The following SGMS2 variants were observed in gnomAD, a reference collection of about 807,000 sequenced individuals.
SGMS2 encodes the protein phosphatidylcholine:ceramide cholinephosphotransferase 2.
A neutral mutation model predicts 43.8 loss-of-function variants in SGMS2; 21 were observed. That is an observed-to-expected ratio of 0.48 (90% CI 0.34 to 0.69). SGMS2 has a LOEUF of 0.69. Ranked by LOEUF, SGMS2 falls within the 30% of genes least tolerant of loss-of-function variation. The pLI is 0.01. For synonymous variants in SGMS2, 167 were observed against 160.6 expected, an observed-to-expected ratio of 1.04 and a Z score of -0.30; for missense variants, 384 against 443.2, an observed-to-expected ratio of 0.87 and a Z score of 1.20.
At chr4:107,878,460 G>A (rs1212034095) in intron 2 of SGMS2, among the ~76,000 whole-genome samples, 2 of 152,130 alleles carry the variant, frequency 1.3e-5, no homozygotes, top group African/African-American at 4.8e-5. Flanking sequence ...GAAATGTGAA[G>A]AATTATTTCA....
intron 2 of SGMS2, among the ~76,000 whole-genome samples, chr4:107,884,773 C>T (rs549071823): frequency 2.6e-5 from 4 of 152,308 alleles, no homozygotes; most frequent in East Asian, 1.9e-4. Flanking sequence ...GTTCATCTTA[C>T]ATATGTTGAT....
chr4:107,837,696 G>T (rs571533865), intron 1 of SGMS2, among the ~76,000 whole-genome samples: 1 of 152,254 alleles, frequency 6.6e-6, no homozygotes, highest in East Asian at 1.9e-4. Context: ...GTAGGAGGGG[G>T]TTAGAGCAGA....
intron 2 of SGMS2, among the ~76,000 whole-genome samples, chr4:107,884,694 C>T (rs1302511001): frequency 6.6e-6 from 1 of 152,168 alleles, no homozygotes; most frequent in Admixed American, 6.5e-5. Context: ...CCGTTTATCT[C>T]TTATCTACCT....
rs542167566 is a variant in SGMS2 at position 107,902,115 on chromosome 4, C to G, written c.574-1118C>G. Among the ~76,000 whole-genome samples, 5 of 149,424 alleles carry G rather than the reference C, an allele frequency of 3.3e-5. No individual in the cohort carries two copies. The South Asian group carries it at 8.4e-4, about 25-fold the overall frequency. On this transcript the variant is annotated intron_variant, in intron 4 of 6. Transcript: ENST00000690982. ...TTTTTTTTTAGTAGAGACAGGGTTT[C>G]TCCATATTGGTCAGATTGATCTTGA...
intron 1 of SGMS2, among the ~76,000 whole-genome samples, chr4:107,850,485 G>A (rs949684028): frequency 6.6e-6 from 1 of 152,144 alleles, no homozygotes; most frequent in African/African-American, 2.4e-5. Flanking sequence ...CTTTATGGAG[G>A]TAAGGGAAAA....
At chr4:107,908,927 T>C (rs566013364) in intron 6 of SGMS2, among the ~76,000 whole-genome samples, 196 bp downstream of exon 6, 5 of 152,270 alleles carry the variant, frequency 3.3e-5, no homozygotes, top group African/African-American at 9.6e-5. Context: ...AAAAATGCCA[T>C]AAAGTTATGG....
chr4:107,838,709 CT>C lies in SGMS2; in HGVS notation c.-327+13467del, dbSNP rs964254968. Among the ~76,000 whole-genome samples the C allele has an allele frequency of 7.6e-4, 110 of 145,518 alleles. 1 individual carries two copies. The highest frequency in any genetic ancestry group is 3.5e-3 in the South Asian group (16 of 4,570). Reference sequence around the variant, plus strand: ...CAGAGTGCCTTGAGCAGAGTTTATCCTTTTTTTTTTTAAGTATTTCCTAGCA... The same window carrying C: ...CAGAGTGCCTTGAGCAGAGTTTATCCTTTTTTTTTTAAGTATTTCCTAGCA... On this transcript the variant is annotated intron_variant, in intron 1 of 6. Coordinates refer to ENST00000690982, the MANE Select transcript of SGMS2 (RefSeq NM_001375905.1).
In SGMS2 at chr4:107,895,932, G is replaced by A. The variant is rs1478451767; in HGVS notation, c.379G>A (p.Ala127Thr). The A allele has an allele frequency of 6.2e-7, 1 of 1,613,898 alleles. No homozygotes were observed. The highest frequency in any genetic ancestry group is 1.1e-5 in the South Asian group (1 of 91,076). The change falls in exon 3 of 7, where the codon GCA becomes ACA. Residue 127 changes from alanine (A) to threonine (T), a missense_variant. By Grantham distance (58) the Ala-to-Thr change is moderately conservative. Transcript: ENST00000690982. ...TGATTACATTGATAGGGTGAAATGG[G>A]CATTTTCTGTATCAGAAATAAATGG... ...FFDYIDRVKWAFSVSEINGII... is the reference protein window; with the variant it reads ...FFDYIDRVKWTFSVSEINGII...
chr4:107,825,620 CTTT>C (rs201101875), intron 1 of SGMS2, among the ~76,000 whole-genome samples: 162 of 116,262 alleles, frequency 1.4e-3, no homozygotes, highest in African/African-American at 5.7e-3. Flanking sequence ...TTTTCTTTCT[CTTT>C]TTTTTTTTTT....
At chr4:107,883,729 A>G (rs935310149) in intron 2 of SGMS2, among the ~76,000 whole-genome samples, 1 of 152,216 alleles carries the variant, frequency 6.6e-6, no homozygotes, top group Non-Finnish European at 1.5e-5. Flanking sequence ...AACTGTTGAA[A>G]ATATGCTTGT....
chr4:107,845,611 C>T, intron 1 of SGMS2, among the ~76,000 whole-genome samples: 1 of 152,188 alleles, frequency 6.6e-6, no homozygotes, highest in Non-Finnish European at 1.5e-5. Context: ...CAAGCAGCTA[C>T]TAAACCCTTT....
chr4:107,868,770 C>T (rs1463526295), intron 2 of SGMS2, among the ~76,000 whole-genome samples: 2 of 151,940 alleles, frequency 1.3e-5, no homozygotes, highest in African/African-American at 4.8e-5. Context: ...TTTTTCTGCT[C>T]CTGTAATCAT....
chr4:107,877,846 A>G (rs981328029), intron 2 of SGMS2, among the ~76,000 whole-genome samples: 5 of 151,978 alleles, frequency 3.3e-5, no homozygotes, highest in African/African-American at 9.7e-5. Flanking sequence ...TTCACTAGCA[A>G]TAAGTCCAAA....
At chr4:107,870,093 C>G (rs1257002520) in intron 2 of SGMS2, among the ~76,000 whole-genome samples, 1 of 152,156 alleles carries the variant, frequency 6.6e-6, no homozygotes, top group East Asian at 1.9e-4. Context: ...ACGTTGTACT[C>G]TAGTTGTAAA....
chr4:107,856,099 C>T (rs1727411920), intron 1 of SGMS2, among the ~76,000 whole-genome samples: 1 of 152,208 alleles, frequency 6.6e-6, no homozygotes, highest in South Asian at 2.1e-4. Flanking sequence ...TCTTCCACTA[C>T]ACCTTGTGAT....
intron 1 of SGMS2, among the ~76,000 whole-genome samples, chr4:107,829,380 G>A (rs1725765555): frequency 6.6e-6 from 1 of 151,930 alleles, no homozygotes; most frequent in African/African-American, 2.4e-5. Flanking sequence ...TTATCTTTAA[G>A]GTTTTGATAA....
At chr4:107,860,454 A>G (rs1323762739) in intron 2 of SGMS2, among the ~76,000 whole-genome samples, 2 of 152,194 alleles carry the variant, frequency 1.3e-5, no homozygotes, top group Non-Finnish European at 2.9e-5. Context: ...CTTGTAAAGT[A>G]GAATTGCAGG....
At chr4:107,826,922 A>G (rs972868755) in intron 1 of SGMS2, among the ~76,000 whole-genome samples, 1 of 152,246 alleles carries the variant, frequency 6.6e-6, no homozygotes. Context: ...GTCCTACGAC[A>G]GTACCGTGTA....
intron 2 of SGMS2, among the ~76,000 whole-genome samples, chr4:107,860,580 G>C (rs770551399): frequency 6.6e-6 from 1 of 150,608 alleles, no homozygotes; most frequent in Non-Finnish European, 1.5e-5. Context: ...GGAGTGCAAT[G>C]GTGCGATCTC....
Sources: gnomAD v4.1 joint callset for allele counts (sites outside exome capture counted in the v4.1 genomes callset) on GRCh38, gnomAD v4.1.1 for gene constraint, MANE v1.5 for transcripts, NCBI Gene and HGNC (gene_info 2026-07-23, HGNC 2026-07-21) for gene names.